The following PBRM1 variants were observed in gnomAD, a reference collection of about 807,000 sequenced individuals.
PBRM1 encodes polybromo 1, also known as protein polybromo-1.
In PBRM1, 27 loss-of-function variants were observed where a neutral mutation model predicts 194.5. That is an observed-to-expected ratio of 0.14 (90% CI 0.10 to 0.19). The LOEUF is 0.19. Ranked by LOEUF, PBRM1 falls within the 10% of genes least tolerant of loss-of-function variation. PBRM1 has a pLI of 1.00. For synonymous variants in PBRM1, 655 were observed against 693.2 expected (o/e 0.94, Z 0.87); for missense variants, 1,466 against 2,077.2 (o/e 0.71, Z 5.72).
At chr3:52,593,570 TG>T (rs1262434664) in intron 17 of PBRM1, among the ~76,000 whole-genome samples, 1 of 152,194 alleles carries the variant, frequency 6.6e-6, no homozygotes, top group African/African-American at 2.4e-5. Flanking sequence ...GTGTTTAGTG[TG>T]ATAAATTTCC....
intron 10 of PBRM1, among the ~76,000 whole-genome samples, chr3:52,641,329 C>A (rs918059097): frequency 6.6e-6 from 1 of 151,346 alleles, no homozygotes; most frequent in Non-Finnish European, 1.5e-5. Flanking sequence ...TGTCTGTAGT[C>A]CCAGTTACTC....
chr3:52,641,466 A>AAAAAAAAAAAAG (rs2096081705), intron 10 of PBRM1, among the ~76,000 whole-genome samples: 1 of 121,954 alleles, frequency 8.2e-6, no homozygotes, highest in African/African-American at 5.1e-5. Flanking sequence ...AAAAAAAAGA[A>AAAAAAAAAAAAG]AAAAAAAAGA....
chr3:52,654,931 G>A (rs2096579268), intron 5 of PBRM1, among the ~76,000 whole-genome samples: 2 of 152,090 alleles, frequency 1.3e-5, no homozygotes, highest in East Asian at 3.9e-4. Context: ...TGTGACTACA[G>A]GTGCACACCA....
intron 16 of PBRM1, among the ~76,000 whole-genome samples, chr3:52,605,034 T>C (rs966680752): frequency 6.6e-6 from 1 of 152,020 alleles, no homozygotes; most frequent in Non-Finnish European, 1.5e-5. Flanking sequence ...CTTTAGAATT[T>C]TGACTGGAGG....
chr3:52,653,288 T>C (rs558260915), intron 5 of PBRM1, among the ~76,000 whole-genome samples: 18 of 152,180 alleles, frequency 1.2e-4, no homozygotes, highest in Admixed American at 1.0e-3. Flanking sequence ...GAATGAAACT[T>C]TGTTAAAGAA....
At chr3:52,597,862 C>G (rs1351562629) in intron 17 of PBRM1, among the ~76,000 whole-genome samples, 7 of 152,102 alleles carry the variant, frequency 4.6e-5, no homozygotes, top group African/African-American at 1.2e-4. Context: ...TACCACCACA[C>G]CCGGCTAATT....
intron 24 of PBRM1, among the ~76,000 whole-genome samples, chr3:52,562,821 A>G (rs1257519334): frequency 6.6e-6 from 1 of 152,164 alleles, no homozygotes; most frequent in Non-Finnish European, 1.5e-5. Flanking sequence ...GATTACAGAC[A>G]TAAGCAACCA....
intron 18 of PBRM1, among the ~76,000 whole-genome samples, 167 bp from the exon 21 acceptor site, chr3:52,587,677 TG>T (rs1404456108): frequency 1.3e-5 from 2 of 151,440 alleles, no homozygotes; most frequent in African/African-American, 4.9e-5. Context: ...CCTGAGTAGC[TG>T]GGACTACAAG....
At chr3:52,669,903 G>C (rs1255841214) in intron 2 of PBRM1, among the ~76,000 whole-genome samples, 1 of 152,042 alleles carries the variant, frequency 6.6e-6, no homozygotes, top group Non-Finnish European at 1.5e-5. Flanking sequence ...CACTTATATG[G>C]GAACTCTTTT....
At chr3:52,608,076 C>A (rs550152592) in intron 16 of PBRM1, among the ~76,000 whole-genome samples, 15 of 152,194 alleles carry the variant, frequency 9.9e-5, no homozygotes, top group Non-Finnish European at 1.8e-4. Flanking sequence ...ACCATCTTTA[C>A]TAAATATAAG....
At chr3:52,641,963 C>T (rs1174970365) in exon 10 of PBRM1, 12 of 1,594,646 alleles carry the variant, frequency 7.5e-6, no homozygotes, top group Non-Finnish European at 1.0e-5. Flanking sequence ...CCAGCTAAAG[C>T]AGCATCTTCT....
intron 21 of PBRM1, among the ~76,000 whole-genome samples, chr3:52,577,562 C>T (rs1238391171): frequency 2.0e-5 from 3 of 151,926 alleles, no homozygotes; most frequent in Non-Finnish European, 4.4e-5. Context: ...TGATTCCTGA[C>T]CTGAAGTATC....
intron 3 of PBRM1, among the ~76,000 whole-genome samples, chr3:52,662,949 T>C (rs1256160441): frequency 1.3e-5 from 2 of 152,168 alleles, no homozygotes; most frequent in African/African-American, 4.8e-5. Flanking sequence ...CTGATGTTAT[T>C]AATACTTGTG....
exon 29 of PBRM1, chr3:52,550,587 G>A (rs373484284): frequency 8.2e-5 from 126 of 1,539,734 alleles, no homozygotes; most frequent in Non-Finnish European, 1.1e-4. Flanking sequence ...CTGGATGTGG[G>A]CCGGGATATG....
At chr3:52,584,330 C>G (rs2091973990) in intron 20 of PBRM1, among the ~76,000 whole-genome samples, 1 of 151,412 alleles carries the variant, frequency 6.6e-6, no homozygotes, top group South Asian at 2.1e-4. Context: ...AAAAGTCTTA[C>G]TAGTTTATAT....
intron 18 of PBRM1, 109 bp downstream of exon 20, chr3:52,588,961 T>C: frequency 2.7e-6 from 2 of 734,372 alleles, no homozygotes; most frequent in Non-Finnish European, 4.7e-6. Flanking sequence ...TGAACAATTA[T>C]TATGGAAAGG....
chr3:52,671,395 G>A (rs1344918255), intron 2 of PBRM1, among the ~76,000 whole-genome samples: 7 of 152,180 alleles, frequency 4.6e-5, no homozygotes, highest in Admixed American at 3.3e-4. Flanking sequence ...CTCAGCACTC[G>A]CCTGCCAGCA....
chr3:52,577,315 C>T (rs1461372518), intron 21 of PBRM1, among the ~76,000 whole-genome samples: 2 of 151,384 alleles, frequency 1.3e-5, no homozygotes, highest in Non-Finnish European at 2.9e-5. Context: ...CCTATAGTCC[C>T]AGCTACTTGG....
intron 20 of PBRM1, among the ~76,000 whole-genome samples, chr3:52,582,361 A>G (rs1287902715): frequency 6.6e-6 from 1 of 151,584 alleles, no homozygotes; most frequent in Non-Finnish European, 1.5e-5. Context: ...ACTTCTAAAT[A>G]CCAGGTAAGA....
Sources: gnomAD v4.1 joint callset for allele counts (sites outside exome capture counted in the v4.1 genomes callset) on GRCh38, gnomAD v4.1.1 for gene constraint, MANE v1.5 for transcripts, NCBI Gene and HGNC (gene_info 2026-07-23, HGNC 2026-07-21) for gene names.